The following CCDC192 variants were observed in gnomAD, a reference collection of about 807,000 sequenced individuals.
CCDC192 encodes coiled-coil domain containing 192, also known as coiled-coil domain-containing protein 192.
intron 3 of CCDC192, among the ~76,000 whole-genome samples, chr5:127,777,704 G>T (rs1388199160): frequency 6.6e-6 from 1 of 152,126 alleles, no homozygotes; most frequent in East Asian, 1.9e-4. Flanking sequence ...AAGCATAAGG[G>T]CCATTCCCCC....
At chr5:127,896,473 G>C (rs1170064359) in intron 6 of CCDC192, among the ~76,000 whole-genome samples, 1 of 143,694 alleles carries the variant, frequency 7.0e-6, no homozygotes, top group Non-Finnish European at 1.5e-5. Context: ...CGCTTTTGTT[G>C]CCTAGGCTGG....
At chr5:127,860,387 C>T (rs1029911281) in intron 5 of CCDC192, among the ~76,000 whole-genome samples, 5 of 152,044 alleles carry the variant, frequency 3.3e-5, no homozygotes, top group Non-Finnish European at 7.4e-5. Context: ...AAGTTTAACC[C>T]GGTGAGAAAA....
intron 2 of CCDC192, among the ~76,000 whole-genome samples, chr5:127,715,251 T>A (rs1751564206): frequency 6.6e-6 from 1 of 152,218 alleles, no homozygotes; most frequent in Non-Finnish European, 1.5e-5. Flanking sequence ...GGTTTCATAG[T>A]TTCAGGTTTA....
At chr5:127,826,781 A>C (rs2127031841) in intron 5 of CCDC192, among the ~76,000 whole-genome samples, 1 of 151,846 alleles carries the variant, frequency 6.6e-6, no homozygotes, top group South Asian at 2.1e-4. Context: ...CTCAAGCTAA[A>C]ATAAAAGTTG....
intron 6 of CCDC192, among the ~76,000 whole-genome samples, chr5:127,914,164 C>T (rs1356723386): frequency 4.6e-5 from 7 of 152,128 alleles, no homozygotes; most frequent in African/African-American, 9.7e-5. Context: ...ATAAGGCTCA[C>T]ATTTTTTGGA....
At chr5:127,759,399 T>C (rs1225713270) in intron 3 of CCDC192, among the ~76,000 whole-genome samples, 2 of 152,152 alleles carry the variant, frequency 1.3e-5, no homozygotes, top group East Asian at 3.8e-4. Flanking sequence ...CTAGTGTCCT[T>C]ATAAAAGAGA....
chr5:127,718,014 A>T (rs1350862463), intron 2 of CCDC192, among the ~76,000 whole-genome samples: 2 of 152,030 alleles, frequency 1.3e-5, no homozygotes, highest in African/African-American at 4.8e-5. Flanking sequence ...TATCTCCAGA[A>T]GTTCTCACTT....
chr5:127,835,884 A>G (rs1434529238), intron 5 of CCDC192, among the ~76,000 whole-genome samples: 4 of 152,150 alleles, frequency 2.6e-5, no homozygotes, highest in African/African-American at 7.2e-5. Context: ...GACAAAGCCT[A>G]ACCATATCAT....
chr5:127,726,079 G>C (rs1338185010), intron 2 of CCDC192, among the ~76,000 whole-genome samples: 1 of 151,744 alleles, frequency 6.6e-6, no homozygotes, highest in Admixed American at 6.6e-5. Flanking sequence ...AGAAAAAGAA[G>C]ATCACCAAGA....
At chr5:127,747,378 T>C (rs935007635) in intron 2 of CCDC192, among the ~76,000 whole-genome samples, 10 of 152,110 alleles carry the variant, frequency 6.6e-5, no homozygotes, top group African/African-American at 2.2e-4. Context: ...GTCCTTGTGA[T>C]AGTTTACTGA....
At chr5:127,723,694 G>A (rs1752153733) in intron 2 of CCDC192, among the ~76,000 whole-genome samples, 1 of 152,194 alleles carries the variant, frequency 6.6e-6, no homozygotes, top group Non-Finnish European at 1.5e-5. Flanking sequence ...GGATACTTGG[G>A]GAAGTTGGCA....
intron 6 of CCDC192, among the ~76,000 whole-genome samples, chr5:127,898,185 T>C (rs1428808649): frequency 6.6e-6 from 1 of 152,056 alleles, no homozygotes; most frequent in East Asian, 1.9e-4. Context: ...CTCCATTCAC[T>C]GCAACCTCCA....
intron 4 of CCDC192, among the ~76,000 whole-genome samples, chr5:127,797,781 ATT>A (rs1259230600): frequency 2.9e-5 from 4 of 136,242 alleles, no homozygotes; most frequent in East Asian, 2.1e-4. Flanking sequence ...ATATATATTT[ATT>A]TATTTATTTA....
chr5:127,904,224 T>C (rs1228170309), intron 6 of CCDC192, among the ~76,000 whole-genome samples: 2 of 152,154 alleles, frequency 1.3e-5, no homozygotes, highest in Non-Finnish European at 1.5e-5. Context: ...ACAGATTCTA[T>C]CCTAAAGCTT....
At chr5:127,766,126 A>G (rs1463215200) in intron 3 of CCDC192, among the ~76,000 whole-genome samples, 1 of 152,200 alleles carries the variant, frequency 6.6e-6, no homozygotes, top group Admixed American at 6.5e-5. Context: ...CCAGGCAGAT[A>G]AATGCCTTTT....
At chr5:127,829,213 C>G (rs1749676979) in intron 5 of CCDC192, among the ~76,000 whole-genome samples, 1 of 152,136 alleles carries the variant, frequency 6.6e-6, no homozygotes, top group Non-Finnish European at 1.5e-5. Flanking sequence ...TTTGAACACA[C>G]TGCCTTTTGG....
intron 2 of CCDC192, among the ~76,000 whole-genome samples, chr5:127,747,332 C>T (rs1261030020): frequency 6.6e-6 from 1 of 151,956 alleles, no homozygotes; most frequent in Non-Finnish European, 1.5e-5. Flanking sequence ...GTTCAATTCC[C>T]ACCTATGAGT....
intron 3 of CCDC192, among the ~76,000 whole-genome samples, chr5:127,773,333 A>C (rs1240065195): frequency 1.3e-5 from 2 of 152,162 alleles, no homozygotes; most frequent in African/African-American, 4.8e-5. Context: ...ATTCTGTCAC[A>C]TTTAGTGCAT....
At chr5:127,925,263 T>C (rs544599177) in intron 6 of CCDC192, among the ~76,000 whole-genome samples, 70 of 152,104 alleles carry the variant, frequency 4.6e-4, no homozygotes, top group African/African-American at 1.6e-3. Flanking sequence ...TATCAGAAGA[T>C]TTCCTAAACT....
Sources: gnomAD v4.1 joint callset for allele counts (sites outside exome capture counted in the v4.1 genomes callset) on GRCh38, gnomAD v4.1.1 for gene constraint, MANE v1.5 for transcripts, NCBI Gene and HGNC (gene_info 2026-07-23, HGNC 2026-07-21) for gene names.